B3GALNT2: variants seen among roughly 807,000 people sequenced by gnomAD.
B3GALNT2 encodes beta-1,3-N-acetylgalactosaminyltransferase 2, also known as UDP-GalNAc:beta-1,3-N-acetylgalactosaminyltransferase 2.
B3GALNT2 carries 53 observed loss-of-function variants against 61.1 expected under a neutral mutation model. The ratio of observed to expected loss-of-function variants is 0.87; its 90% CI spans 0.70 to 1.09. The LOEUF (loss-of-function observed/expected upper bound fraction) is 1.09, where lower values mean the gene tolerates loss of function less well. Among genes scored for constraint, B3GALNT2 ranks in the 50% least tolerant of loss-of-function variants. The pLI is 0.00. For synonymous variants in B3GALNT2, 223 were observed against 237.4 expected, an observed-to-expected ratio of 0.94 and a Z score of 0.56; for missense variants, 544 against 623.0, an observed-to-expected ratio of 0.87 and a Z score of 1.35.
rs1682460606 is a variant in B3GALNT2, at chr1:235,447,558, CTTGTAGATCA to C, written c.*2638_*2647del. Among the ~76,000 whole-genome samples, 2 of 152,082 alleles carry C rather than the reference CTTGTAGATCA, an allele frequency of 1.3e-5. No homozygotes were observed. The highest frequency in any genetic ancestry group is 1.3e-4 in the Admixed American group (2 of 15,262). ...ACAGAATGGCGGCGCTGGAAGGGAC[CTTGTAGATCA>C]TTTAGTTGGCACCCTAATTTTACAG... is the stretch of plus-strand genomic sequence containing the variant. On this transcript the variant is annotated 3_prime_UTR_variant, in exon 12 of 12. Coordinates refer to ENST00000366600, the MANE Select transcript of B3GALNT2 (RefSeq NM_152490.5).
chr1:235,455,763 A>T (rs1683140687), intron 8 of B3GALNT2, 79 bp from the exon 9 acceptor site: 1 of 1,443,432 alleles, frequency 6.9e-7, no homozygotes, highest in African/African-American at 1.4e-5. Flanking sequence ...TAACACTTTC[A>T]TTCAAAACTG....
chr1:235,499,874 T>G (rs291341), intron 1 of B3GALNT2, among the ~76,000 whole-genome samples: 112,407 of 152,094 alleles, frequency 0.74, 42,673 homozygotes, highest in African/African-American at 0.92. Context: ...CTTATGACCT[T>G]TAATAAAAGA....
chr1:235,504,106 G>T (rs1046345705), intron 1 of B3GALNT2, 35 bp downstream of exon 1: 1 of 1,167,674 alleles, frequency 8.6e-7, no homozygotes, highest in African/African-American at 1.6e-5. Flanking sequence ...CCACCCCCCC[G>T]GCGGCCGCCA....
rs1682672179 is a variant in B3GALNT2 at position 235,448,748 on chromosome 1, T to C, written c.*1458A>G. The stretch of plus-strand genomic sequence containing the variant: ...TTCTGTGGAAAATGGAGATTGTCTA[T>C]TAGTGCGATGGTGACAACCAACTAA... On this transcript the variant is annotated 3_prime_UTR_variant, in exon 12 of 12. Coordinates refer to ENST00000366600, the MANE Select transcript of B3GALNT2 (RefSeq NM_152490.5). 6.8e-6 allele frequency: 11 copies of C among 1,612,950 alleles called. No individual in the cohort carries two copies. Among genetic ancestry groups the C allele is most frequent in the Non-Finnish European group, 8.5e-6 (10 of 1,178,990 alleles).
intron 1 of B3GALNT2, among the ~76,000 whole-genome samples, chr1:235,500,552 A>G (rs1290215691): frequency 6.6e-6 from 1 of 152,224 alleles, no homozygotes; most frequent in African/African-American, 2.4e-5. Context: ...CAAGAGTCTT[A>G]AAAATCACAC....
intron 5 of B3GALNT2, among the ~76,000 whole-genome samples, chr1:235,474,486 G>C (rs549504419): frequency 8.0e-4 from 122 of 152,134 alleles, no homozygotes; most frequent in Middle Eastern, 3.4e-3. Flanking sequence ...TTGTGGATTG[G>C]AGAAATGACT....
chr1:235,474,121 T>C (rs1684129618), intron 5 of B3GALNT2, among the ~76,000 whole-genome samples: 1 of 152,220 alleles, frequency 6.6e-6, no homozygotes, highest in Non-Finnish European at 1.5e-5. Context: ...CCTAAACCTG[T>C]TTCTGCTCCA....
chr1:235,448,069 T>C lies in B3GALNT2; in HGVS notation c.*2137A>G, dbSNP rs1247788668. The stretch of plus-strand genomic sequence containing the variant: ...ACTAAAAATACAAAAGTTAGCTGGG[T>C]GTGGTGATGGGCACCAGCTACTCAG... On this transcript the variant is annotated 3_prime_UTR_variant, in exon 12 of 12. Coordinates refer to ENST00000366600, the MANE Select transcript of B3GALNT2 (RefSeq NM_152490.5). Among the ~76,000 whole-genome samples the C allele has an allele frequency of 2.0e-5, 3 of 151,774 alleles. No individual in the cohort carries two copies. Among genetic ancestry groups the C allele is most frequent in the Non-Finnish European group, 2.9e-5 (2 of 67,910 alleles).
chr1:235,455,512 T>C (rs769573515), intron 9 of B3GALNT2, 47 bp downstream of exon 9: 1 of 1,575,388 alleles, frequency 6.3e-7, no homozygotes, highest in Non-Finnish European at 8.7e-7. Context: ...ATTAATTACA[T>C]TTGATCAGGT....
rs920079593 is a variant in B3GALNT2, at chr1:235,447,961, AG to A, written c.*2244del. Among the ~76,000 whole-genome samples, 11 of 152,156 alleles carry A rather than the reference AG, an allele frequency of 7.2e-5. No individual in the cohort carries two copies. Among genetic ancestry groups the A allele is most frequent in the African/African-American group, 2.4e-4 (10 of 41,484 alleles). ...GCGCTGGGCTCATGCTTGTAATCCC[AG>A]CACTTTGGGGGGCCAGGGCGGGCGG... On this transcript the variant is annotated 3_prime_UTR_variant, in exon 12 of 12. Transcript: ENST00000366600.
chr1:235,500,133 T>C (rs746931110), intron 1 of B3GALNT2, among the ~76,000 whole-genome samples: 2 of 152,146 alleles, frequency 1.3e-5, no homozygotes, highest in Non-Finnish European at 2.9e-5. Flanking sequence ...TAATATGTAA[T>C]ATATCCTGAG....
In B3GALNT2 at chr1:235,455,635, A is replaced by AGTC. The variant is rs746808273; in HGVS notation, c.1072_1074dup (p.Asp358dup). On this transcript the variant is annotated inframe_insertion, in exon 9 of 12. Transcript: ENST00000366600. Reference sequence around the variant, plus strand: ...AATACAGCTTCGAGGTCTATGTAACAGTCATCATCTGTCTTCAGCAACAAA... The same window carrying AGTC: ...AATACAGCTTCGAGGTCTATGTAACAGTCGTCATCATCTGTCTTCAGCAACAAA... 1 of 1,604,516 alleles carries AGTC rather than the reference A, an allele frequency of 6.2e-7. No individual in the cohort carries two copies. The highest frequency in any genetic ancestry group is 1.3e-5 in the African/African-American group (1 of 74,806).
At position 235,494,747 on chromosome 1, in the gene B3GALNT2, T is replaced by C; in HGVS notation, c.194A>G (p.Glu65Gly). ...VGVLSARNNHELRNVIRSTWM... is the reference protein window; with the variant it reads ...VGVLSARNNHGLRNVIRSTWM... ...GGTGCTTCTTATCACGTTTCGAAGT[T>C]CATGGTTATTGCGAGCTGACAACAC... The change falls in exon 2 of 12, where the codon GAA (glutamate) becomes GGA (glycine). Residue 65 changes from glutamate to glycine, a missense_variant. By Grantham distance (98) the Glu-to-Gly change is moderately conservative (BLOSUM62 -2). Coordinates refer to ENST00000366600, the MANE Select transcript of B3GALNT2 (RefSeq NM_152490.5). 1 of 1,612,942 alleles carries C rather than the reference T, an allele frequency of 6.2e-7. No homozygotes were observed. Among genetic ancestry groups the C allele is most frequent in the Non-Finnish European group, 8.5e-7 (1 of 1,178,950 alleles).
At chr1:235,450,365 T>G (rs1682823566) in intron 11 of B3GALNT2, 25 bp from the exon 12 acceptor site, 2 of 1,611,978 alleles carry the variant, frequency 1.2e-6, no homozygotes, top group Non-Finnish European at 1.7e-6. Context: ...CCAAAGCCGA[T>G]CTGAGAGTGG....
Position 235,447,789 on chromosome 1 carries a change from G to A in B3GALNT2, c.*2417C>T, listed in dbSNP as rs1389518107. Reference sequence around the variant, plus strand: ...TAAGAAAGAAATACACTACTGAAATGGTATGAAACTCACTGTCAAAGGGCA... The same window carrying A: ...TAAGAAAGAAATACACTACTGAAATAGTATGAAACTCACTGTCAAAGGGCA... On this transcript the variant is annotated 3_prime_UTR_variant, in exon 12 of 12. Coordinates refer to ENST00000366600, the MANE Select transcript of B3GALNT2 (RefSeq NM_152490.5). Among the ~76,000 whole-genome samples, 1 of 152,152 alleles carries A rather than the reference G, an allele frequency of 6.6e-6. No homozygotes were observed. Among genetic ancestry groups the A allele is most frequent in the African/African-American group, 2.4e-5 (1 of 41,422 alleles).
At chr1:235,475,987 G>T (rs1284768999) in intron 5 of B3GALNT2, among the ~76,000 whole-genome samples, 1 of 152,012 alleles carries the variant, frequency 6.6e-6, no homozygotes, top group African/African-American at 2.4e-5. Flanking sequence ...ACCACACGTG[G>T]CCTGCTTGTT....
intron 6 of B3GALNT2, among the ~76,000 whole-genome samples, chr1:235,470,047 G>A (rs1007164123): frequency 5.3e-5 from 8 of 151,804 alleles, no homozygotes; most frequent in South Asian, 2.1e-4. Context: ...CCAGGCATGC[G>A]CCACCATGCC....
At chr1:235,486,501 G>A (rs755364541) in intron 3 of B3GALNT2, among the ~76,000 whole-genome samples, 1 of 152,160 alleles carries the variant, frequency 6.6e-6, no homozygotes, top group Non-Finnish European at 1.5e-5. Context: ...TTGCATTACA[G>A]TGCTATTAAA....
At chr1:235,476,234 A>G (rs1558426664) in intron 5 of B3GALNT2, among the ~76,000 whole-genome samples, 1 of 151,250 alleles carries the variant, frequency 6.6e-6, no homozygotes, top group African/African-American at 2.4e-5. Context: ...ACACGGTGAA[A>G]CCCCGTCTGT....
Sources: gnomAD v4.1 joint callset for allele counts (sites outside exome capture counted in the v4.1 genomes callset) on GRCh38, gnomAD v4.1.1 for gene constraint, MANE v1.5 for transcripts, NCBI Gene and HGNC (gene_info 2026-07-23, HGNC 2026-07-21) for gene names.